The following ASAP1 variants were observed in gnomAD, a reference collection of about 807,000 sequenced individuals.
ASAP1 encodes the protein ArfGAP with SH3 domain, ankyrin repeat and PH domain 1, also known as arf-GAP with SH3 domain, ANK repeat and PH domain-containing protein 1.
In ASAP1, 43 loss-of-function variants were observed where a neutral mutation model predicts 145.2. That is an observed-to-expected ratio of 0.30 (90% CI 0.23 to 0.38). The LOEUF is 0.38. ASAP1 is among the 10% of genes least tolerant of loss of function. The pLI, the probability that ASAP1 is intolerant of heterozygous loss-of-function variation, is 1.00. For missense variants in ASAP1, 1,018 were observed against 1,355.3 expected (o/e 0.75, Z 3.91); for synonymous variants, 546 against 515.5 (o/e 1.06, Z -0.80).
At position 130,070,984 on chromosome 8, in the gene ASAP1, GGA is replaced by G. The variant is rs1238943264; in HGVS notation, c.2701+5362_2701+5363del. Among the ~76,000 whole-genome samples the G allele has an allele frequency of 1.4e-3, 40 of 29,384 alleles. 5 individuals carry two copies. The highest frequency in any genetic ancestry group is 6.2e-3 in the African/African-American group (24 of 3,880). 19.3% of individuals were successfully genotyped at this position (29,384 alleles called of 152,430 possible). On this transcript the variant is annotated intron_variant, in intron 27 of 29. Coordinates refer to ENST00000518721, the MANE Select transcript of ASAP1 (RefSeq NM_018482.4). ...GAGGGGGAGAGAGAGGGGGAGGGGG[GGA>G]GAGAGAGAGAGAGAGGGGAGGGGGG...
chr8:130,355,020 C>T (rs1826221770), intron 3 of ASAP1, among the ~76,000 whole-genome samples: 1 of 152,118 alleles, frequency 6.6e-6, no homozygotes, highest in African/African-American at 2.4e-5. Flanking sequence ...CAAGAAGCTG[C>T]GACTACAGGC....
intron 3 of ASAP1, among the ~76,000 whole-genome samples, chr8:130,319,500 G>A (rs1313001910): frequency 6.6e-6 from 1 of 152,242 alleles, no homozygotes; most frequent in South Asian, 2.1e-4. Context: ...GGAACACTGA[G>A]TGGCACAGAA....
At chr8:130,430,164 T>C (rs1830088815) in intron 1 of ASAP1, among the ~76,000 whole-genome samples, 1 of 152,184 alleles carries the variant, frequency 6.6e-6, no homozygotes. Flanking sequence ...AAAGAGAGAT[T>C]GTCAAACTCT....
At chr8:130,396,782 G>A (rs1296387614) in intron 2 of ASAP1, among the ~76,000 whole-genome samples, 2 of 152,214 alleles carry the variant, frequency 1.3e-5, no homozygotes, top group African/African-American at 4.8e-5. Flanking sequence ...GACAGCCTGT[G>A]GCATGATAAT....
intron 9 of ASAP1, among the ~76,000 whole-genome samples, chr8:130,174,740 GA>G (rs1411740031): frequency 4.6e-5 from 7 of 152,190 alleles, no homozygotes; most frequent in Non-Finnish European, 1.5e-5. Context: ...CTGAGTTAGT[GA>G]ACATATGCCA....
intron 15 of ASAP1, among the ~76,000 whole-genome samples, chr8:130,129,170 G>C (rs559264011): frequency 2.6e-5 from 4 of 152,138 alleles, no homozygotes. Context: ...CACCATAATT[G>C]TAAGTCTCCT....
chr8:130,187,039 T>C (rs1814780231), intron 7 of ASAP1, among the ~76,000 whole-genome samples, 197 bp downstream of exon 7: 1 of 152,210 alleles, frequency 6.6e-6, no homozygotes, highest in African/African-American at 2.4e-5. Flanking sequence ...GCACAGGACA[T>C]GCAACCACTT....
chr8:130,379,468 GAC>G (rs1364854288), intron 2 of ASAP1, among the ~76,000 whole-genome samples: 1 of 152,234 alleles, frequency 6.6e-6, no homozygotes, highest in Non-Finnish European at 1.5e-5. Context: ...TGGTTGGTCA[GAC>G]ACACGCAGCC....
intron 1 of ASAP1, 35 bp downstream of exon 1, chr8:130,443,425 C>T (rs940089164): frequency 2.6e-4 from 39 of 151,260 alleles, no homozygotes; most frequent in African/African-American, 8.7e-4. Flanking sequence ...CTCCGCCCGG[C>T]CCCGCCGAGC....
chr8:130,212,134 G>A (rs1283571801), intron 5 of ASAP1, among the ~76,000 whole-genome samples: 1 of 152,182 alleles, frequency 6.6e-6, no homozygotes, highest in African/African-American at 2.4e-5. Context: ...GAAAGTTGCT[G>A]GCTGTTGTCA....
intron 2 of ASAP1, among the ~76,000 whole-genome samples, chr8:130,381,997 CT>C (rs1165563146): frequency 6.6e-6 from 1 of 152,050 alleles, no homozygotes; most frequent in Non-Finnish European, 1.5e-5. Context: ...CAGAAATTAC[CT>C]TGTTCAGGCC....
intron 13 of ASAP1, 152 bp from the exon 14 acceptor site, chr8:130,137,190 T>C (rs2097596941): frequency 1.5e-6 from 1 of 682,510 alleles, no homozygotes; most frequent in East Asian, 2.7e-5. Context: ...ATCTGAGCAT[T>C]GTTCCAAGTT....
At chr8:130,376,449 CT>C (rs1827497125) in intron 2 of ASAP1, among the ~76,000 whole-genome samples, 2 of 82,272 alleles carry the variant, frequency 2.4e-5, no homozygotes, top group African/African-American at 1.2e-4. Context: ...ACAAAAAGGC[CT>C]GGCACGGTGG....
At chr8:130,404,803 A>G (rs538661200) in intron 1 of ASAP1, among the ~76,000 whole-genome samples, 1 of 152,316 alleles carries the variant, frequency 6.6e-6, no homozygotes, top group South Asian at 2.1e-4. Context: ...GCTGTAGCCA[A>G]TGGAATGTGG....
At chr8:130,373,574 T>C (rs139401036) in intron 2 of ASAP1, among the ~76,000 whole-genome samples, 1 of 152,060 alleles carries the variant, frequency 6.6e-6, no homozygotes, top group Non-Finnish European at 1.5e-5. Flanking sequence ...CTTGGCCAGG[T>C]GCAGTGGCTC....
intron 3 of ASAP1, among the ~76,000 whole-genome samples, chr8:130,296,777 T>A (rs1586777600): frequency 6.6e-6 from 1 of 151,512 alleles, no homozygotes; most frequent in African/African-American, 2.4e-5. Context: ...AAAAAAAAAA[T>A]TAAGCTACTT....
chr8:130,419,844 C>T (rs1245882663), intron 1 of ASAP1, among the ~76,000 whole-genome samples: 7 of 152,122 alleles, frequency 4.6e-5, no homozygotes, highest in Admixed American at 3.3e-4. Context: ...TCGCTGTCTC[C>T]GGTTTCCAAT....
chr8:130,415,605 T>C (rs530817507), intron 1 of ASAP1, among the ~76,000 whole-genome samples: 1 of 152,224 alleles, frequency 6.6e-6, no homozygotes, highest in Admixed American at 6.5e-5. Context: ...CTGGCCAACA[T>C]GGTGAAACCC....
intron 4 of ASAP1, among the ~76,000 whole-genome samples, chr8:130,224,865 A>C (rs1215704898): frequency 6.6e-6 from 1 of 152,192 alleles, no homozygotes; most frequent in African/African-American, 2.4e-5. Context: ...CTGCTGGGGG[A>C]TAGTGTGTAC....
Sources: gnomAD v4.1 joint callset for allele counts (sites outside exome capture counted in the v4.1 genomes callset) on GRCh38, gnomAD v4.1.1 for gene constraint, MANE v1.5 for transcripts, NCBI Gene and HGNC (gene_info 2026-07-23, HGNC 2026-07-21) for gene names.